The following SLC1A1 variants were observed in gnomAD, a reference collection of about 807,000 sequenced individuals.
SLC1A1 encodes the protein excitatory amino acid transporter 3.
Under a neutral mutation model 53.3 loss-of-function variants are expected in SLC1A1, and 43 were observed. The ratio of observed to expected loss-of-function variants is 0.81; its 90% CI spans 0.63 to 1.04. The LOEUF is 1.04. Among genes scored for constraint, SLC1A1 ranks in the 50% least tolerant of loss-of-function variants. The pLI is 0.00. For synonymous variants in SLC1A1, 307 were observed against 243.2 expected, an observed-to-expected ratio of 1.26 and a Z score of -2.44; for missense variants, 748 against 664.9, an observed-to-expected ratio of 1.12 and a Z score of -1.37.
chr9:4,516,795 C>T (rs1195983727), intron 1 of SLC1A1, among the ~76,000 whole-genome samples: 2 of 152,158 alleles, frequency 1.3e-5, no homozygotes, highest in Non-Finnish European at 1.5e-5. Context: ...TCACAATGAA[C>T]CCATTATATG....
chr9:4,535,052 G>A (rs551757356), intron 1 of SLC1A1, among the ~76,000 whole-genome samples: 6 of 152,140 alleles, frequency 3.9e-5, no homozygotes, highest in Admixed American at 2.6e-4. Context: ...TTGATGGGAC[G>A]TATCTCAAAA....
intron 1 of SLC1A1, among the ~76,000 whole-genome samples, chr9:4,541,481 T>C (rs1817002876): frequency 1.3e-5 from 2 of 152,204 alleles, no homozygotes; most frequent in Non-Finnish European, 2.9e-5. Flanking sequence ...CCATCCTAGT[T>C]AGTGTGATAA....
chr9:4,585,268 A>T, intron 11 of SLC1A1, 44 bp from the exon 12 acceptor site: 1 of 1,611,990 alleles, frequency 6.2e-7, no homozygotes, highest in Middle Eastern at 2.2e-4. Flanking sequence ...ATGAAGGAAA[A>T]TGAAATCTGG....
At chr9:4,558,273 T>A (rs1488880338) in intron 2 of SLC1A1, among the ~76,000 whole-genome samples, 1 of 152,214 alleles carries the variant, frequency 6.6e-6, no homozygotes, top group Non-Finnish European at 1.5e-5. Context: ...CAGCCTGGAC[T>A]TGGGGGCCAG....
intron 2 of SLC1A1, among the ~76,000 whole-genome samples, chr9:4,555,668 T>C (rs1818306953): frequency 6.6e-6 from 1 of 152,210 alleles, no homozygotes; most frequent in Non-Finnish European, 1.5e-5. Flanking sequence ...GCCTCAAAAC[T>C]GTCCCAGGTT....
At chr9:4,555,205 A>C (rs544858216) in intron 2 of SLC1A1, among the ~76,000 whole-genome samples, 12 of 152,350 alleles carry the variant, frequency 7.9e-5, no homozygotes, top group South Asian at 2.1e-4. Flanking sequence ...AGTCATCCAC[A>C]TGGCGAGTTT....
intron 2 of SLC1A1, among the ~76,000 whole-genome samples, chr9:4,544,955 A>C (rs953598672): frequency 6.6e-6 from 1 of 152,122 alleles, no homozygotes; most frequent in Non-Finnish European, 1.5e-5. Flanking sequence ...AAACCATAAG[A>C]TCTCGTGAGA....
intron 1 of SLC1A1, among the ~76,000 whole-genome samples, chr9:4,533,534 C>A (rs1308726599): frequency 6.6e-6 from 1 of 152,138 alleles, no homozygotes; most frequent in African/African-American, 2.4e-5. Flanking sequence ...TATATATGCA[C>A]CCAATACAGG....
At chr9:4,548,714 G>A (rs1024274471) in intron 2 of SLC1A1, among the ~76,000 whole-genome samples, 7 of 152,018 alleles carry the variant, frequency 4.6e-5, no homozygotes, top group Non-Finnish European at 8.8e-5. Flanking sequence ...GCATATAGTT[G>A]TATAAGAAAA....
chr9:4,551,031 T>G (rs747498184), intron 2 of SLC1A1, among the ~76,000 whole-genome samples: 13 of 152,180 alleles, frequency 8.5e-5, no homozygotes, highest in Non-Finnish European at 1.8e-4. Context: ...TGCAATCTAG[T>G]TGAGGTTGAA....
In SLC1A1 at chr9:4,587,040, C is replaced by G. The variant is rs1283904073; in HGVS notation, c.*1482C>G. 3 of 152,522 alleles carry G rather than the reference C, an allele frequency of 2.0e-5. No homozygotes were observed. Among genetic ancestry groups the G allele is most frequent in the Non-Finnish European group, 4.4e-5 (3 of 68,020 alleles). The allele number at this position is 152,522 out of a possible 1,614,324, so 9.4% of individuals were successfully genotyped here. The stretch of plus-strand genomic sequence containing the variant: ...GTCATGTTTCTGCAGTATTCTGTAG[C>G]CAACTTAAACCTGTGCTTTCATGTT... On this transcript the variant is annotated 3_prime_UTR_variant, in exon 12 of 12. Coordinates refer to ENST00000262352, the MANE Select transcript of SLC1A1 (RefSeq NM_004170.6).
At chr9:4,502,884 G>A (rs1586692064) in intron 1 of SLC1A1, among the ~76,000 whole-genome samples, 1 of 151,582 alleles carries the variant, frequency 6.6e-6, no homozygotes, top group East Asian at 1.9e-4. Context: ...CGTGTGGTTA[G>A]TCCTTTCCGC....
chr9:4,497,604 T>A (rs1820478776), intron 1 of SLC1A1, among the ~76,000 whole-genome samples: 1 of 152,174 alleles, frequency 6.6e-6, no homozygotes, highest in Admixed American at 6.5e-5. Flanking sequence ...CTCCATAAAT[T>A]CTCCTCTGCC....
At chr9:4,544,533 C>T in intron 1 of SLC1A1, 34 bp from the exon 2 acceptor site, 1 of 1,605,294 alleles carries the variant, frequency 6.2e-7, no homozygotes, top group Non-Finnish European at 8.5e-7. Flanking sequence ...CAATAATGTT[C>T]CTCTTCCTTC....
intron 1 of SLC1A1, among the ~76,000 whole-genome samples, chr9:4,543,977 G>A (rs767091513): frequency 3.3e-5 from 5 of 152,030 alleles, no homozygotes; most frequent in South Asian, 2.1e-4. Context: ...CCAGGAGTTC[G>A]AGACCAGCCT....
rs909304249 is a variant in SLC1A1 at position 4,556,310 on chromosome 9, A to G, written c.233-5139A>G. On this transcript the variant is annotated intron_variant, in intron 2 of 11. Transcript: ENST00000262352. This position sits in a 1 kb window ranked among gnomAD's most constrained non-coding sequence, Gnocchi z 4.1. ...GCTGGGATTACCGGCGTGAGCCACT[A>G]CGCCCCGCCCCTATCTTTTATTATT... Among the ~76,000 whole-genome samples, 4 of 152,084 alleles carry G rather than the reference A, an allele frequency of 2.6e-5. No homozygotes were observed. Among genetic ancestry groups the G allele is most frequent in the Admixed American group, 2.6e-4 (4 of 15,266 alleles).
At chr9:4,565,098 G>A (rs1298759875) in intron 4 of SLC1A1, among the ~76,000 whole-genome samples, 1 of 152,160 alleles carries the variant, frequency 6.6e-6, no homozygotes, top group Non-Finnish European at 1.5e-5. Context: ...AGAAAGCTAA[G>A]TGCAAATCTT....
chr9:4,549,721 C>T lies in SLC1A1; in HGVS notation c.232+5014C>T, dbSNP rs763934597. Among the ~76,000 whole-genome samples the T allele has an allele frequency of 1.3e-4, 20 of 152,194 alleles. No homozygotes were observed. The highest frequency in any genetic ancestry group is 4.1e-4 in the South Asian group (2 of 4,830). On this transcript the variant is annotated intron_variant, in intron 2 of 11. Coordinates refer to ENST00000262352, the MANE Select transcript of SLC1A1 (RefSeq NM_004170.6). The surrounding 1 kb of genome is among the most constrained non-coding windows in gnomAD (Gnocchi z 4.1). The stretch of plus-strand genomic sequence containing the variant: ...TCCACTTCAGAGAAAACCCCCCTCA[C>T]GGCCACAGGGGGATAGCCTTTCCTC...
At chr9:4,534,601 A>C (rs544487683) in intron 1 of SLC1A1, among the ~76,000 whole-genome samples, 47 of 152,240 alleles carry the variant, frequency 3.1e-4, no homozygotes, top group Non-Finnish European at 5.7e-4. Context: ...GTCCAGGACC[A>C]GATGGATTCA....
Sources: allele counts gnomAD v4.1 joint callset (sites outside exome capture counted in the v4.1 genomes callset), GRCh38; gene constraint gnomAD v4.1.1; non-coding constraint Gnocchi (gnomAD v3.1); transcripts MANE v1.5; gene names NCBI Gene and HGNC (gene_info 2026-07-23, HGNC 2026-07-21).